CA10: variants seen among roughly 807,000 people sequenced by gnomAD.
CA10 encodes carbonic anhydrase-related protein 10.
Under a neutral mutation model 44.2 loss-of-function variants are expected in CA10, and 14 were observed. That is an observed-to-expected ratio of 0.32 (90% CI 0.21 to 0.50). The LOEUF is 0.50. Among genes scored for constraint, CA10 ranks in the 20% least tolerant of loss-of-function variants. The probability of loss-of-function intolerance (pLI) is 0.99; values close to 1 mark genes in which losing one functional copy is unlikely to be tolerated. For missense variants in CA10, 350 were observed against 409.7 expected (o/e 0.85, Z 1.26); for synonymous variants, 159 against 141.6 (o/e 1.12, Z -0.87).
chr17:52,007,892 T>C (rs1156596722), intron 2 of CA10, among the ~76,000 whole-genome samples: 2 of 151,652 alleles, frequency 1.3e-5, no homozygotes, highest in African/African-American at 4.8e-5. Flanking sequence ...TTCGTTTTGG[T>C]TTCAAACTAA....
At chr17:52,028,727 TG>T (rs1798161587) in intron 2 of CA10, among the ~76,000 whole-genome samples, 1 of 152,224 alleles carries the variant, frequency 6.6e-6, no homozygotes, top group African/African-American at 2.4e-5. Context: ...GGGCCAGTGC[TG>T]GTCAAAAGCA....
chr17:51,918,166 C>T (rs558918698), intron 3 of CA10, among the ~76,000 whole-genome samples: 8 of 152,290 alleles, frequency 5.3e-5, no homozygotes, highest in East Asian at 1.9e-4. Context: ...TACCTAGCAA[C>T]GATGCATTAA....
At chr17:52,121,654 A>C (rs1299328503) in intron 1 of CA10, among the ~76,000 whole-genome samples, 1 of 122,636 alleles carries the variant, frequency 8.2e-6, no homozygotes, top group African/African-American at 3.2e-5. Context: ...ATCTCTATCT[A>C]TCTCTAAACA....
chr17:51,786,733 G>A (rs1177146700), intron 3 of CA10, among the ~76,000 whole-genome samples: 1 of 151,976 alleles, frequency 6.6e-6, no homozygotes, highest in Non-Finnish European at 1.5e-5. Flanking sequence ...ACTGAAAAGT[G>A]GGCATTCTTG....
intron 3 of CA10, among the ~76,000 whole-genome samples, chr17:51,799,702 C>T (rs1906852196): frequency 6.6e-6 from 1 of 152,052 alleles, no homozygotes; most frequent in South Asian, 2.1e-4. Flanking sequence ...AAGTTTGTTG[C>T]AAAAACTGAG....
At chr17:51,730,083 C>A (rs530811498) in intron 4 of CA10, among the ~76,000 whole-genome samples, 2 of 152,330 alleles carry the variant, frequency 1.3e-5, no homozygotes, top group South Asian at 4.1e-4. Context: ...GCAGTGGCTC[C>A]AGTGTGGAGG....
intron 2 of CA10, among the ~76,000 whole-genome samples, chr17:52,015,349 T>C (rs146745571): frequency 7.4e-4 from 113 of 152,252 alleles, no homozygotes; most frequent in African/African-American, 2.5e-3. Flanking sequence ...TCCTCTTCAA[T>C]TGCCTTTTAG....
intron 2 of CA10, among the ~76,000 whole-genome samples, chr17:52,027,587 T>C (rs1986340048): frequency 6.6e-6 from 1 of 152,090 alleles, no homozygotes; most frequent in Admixed American, 6.5e-5. Context: ...AAAATCTATA[T>C]AGTGTAGGAA....
At chr17:51,721,746 G>A (rs150417070) in intron 4 of CA10, among the ~76,000 whole-genome samples, 1 of 152,178 alleles carries the variant, frequency 6.6e-6, no homozygotes, top group Admixed American at 6.5e-5. Flanking sequence ...TGAGCTTCCC[G>A]ATTGGTGAAC....
intron 2 of CA10, among the ~76,000 whole-genome samples, chr17:51,960,065 ATGT>A (rs1401128523): frequency 1.3e-5 from 2 of 151,966 alleles, no homozygotes; most frequent in African/African-American, 4.8e-5. Flanking sequence ...ATGGAAAGAA[ATGT>A]TGTAAAAAAT....
intron 1 of CA10, among the ~76,000 whole-genome samples, chr17:52,133,737 T>C (rs1360334741): frequency 2.0e-5 from 3 of 152,244 alleles, no homozygotes; most frequent in African/African-American, 7.2e-5. Context: ...TTTCAAAATA[T>C]TGTGTAATGA....
At chr17:52,100,090 A>G (rs1988502161) in intron 1 of CA10, among the ~76,000 whole-genome samples, 1 of 152,238 alleles carries the variant, frequency 6.6e-6, no homozygotes, top group Non-Finnish European at 1.5e-5. Context: ...GGTAGTTGGA[A>G]GGAAATAAGA....
At chr17:51,786,515 GCAC>G (rs1906290812) in intron 3 of CA10, among the ~76,000 whole-genome samples, 1 of 152,166 alleles carries the variant, frequency 6.6e-6, no homozygotes, top group Admixed American at 6.5e-5. Context: ...TTGTGCCACT[GCAC>G]TGCAGCCTGC....
chr17:51,638,954 C>T (rs1304233932), intron 6 of CA10, among the ~76,000 whole-genome samples: 2 of 151,788 alleles, frequency 1.3e-5, no homozygotes, highest in East Asian at 1.9e-4. Flanking sequence ...AGGTGCAGGG[C>T]GATGTGGAGA....
intron 3 of CA10, among the ~76,000 whole-genome samples, chr17:51,877,747 G>C (rs1280267895): frequency 6.6e-6 from 1 of 152,028 alleles, no homozygotes; most frequent in Non-Finnish European, 1.5e-5. Context: ...GTCTTCTATA[G>C]GTCAGTGTAT....
At chr17:51,740,896 A>T (rs1223584328) in intron 4 of CA10, among the ~76,000 whole-genome samples, 1 of 152,054 alleles carries the variant, frequency 6.6e-6, no homozygotes, top group Non-Finnish European at 1.5e-5. Flanking sequence ...TCCACTCCTC[A>T]TTCTCTGATC....
intron 2 of CA10, among the ~76,000 whole-genome samples, chr17:51,960,913 G>A (rs1279225241): frequency 6.6e-6 from 1 of 152,098 alleles, no homozygotes; most frequent in African/African-American, 2.4e-5. Context: ...CATGAGTCTA[G>A]GTATTCCTGT....
intron 1 of CA10, among the ~76,000 whole-genome samples, chr17:52,147,869 C>T (rs1449877612): frequency 6.6e-6 from 1 of 152,010 alleles, no homozygotes; most frequent in South Asian, 2.1e-4. Context: ...TTTCTATAAC[C>T]CCTTTTTATT....
chr17:51,670,749 C>A (rs1169854226), intron 4 of CA10, among the ~76,000 whole-genome samples: 2 of 152,180 alleles, frequency 1.3e-5, no homozygotes, highest in African/African-American at 4.8e-5. Flanking sequence ...CTGTGTTAGC[C>A]TGTTCTGATG....
Sources: gnomAD v4.1 joint callset for allele counts (sites outside exome capture counted in the v4.1 genomes callset) on GRCh38, gnomAD v4.1.1 for gene constraint, MANE v1.5 for transcripts, NCBI Gene and HGNC (gene_info 2026-07-23, HGNC 2026-07-21) for gene names.